Variants in ROCK1 observed in about 807,000 individuals in gnomAD.
ROCK1 encodes rho-associated protein kinase 1.
Under a neutral mutation model 196.8 loss-of-function variants are expected in ROCK1, and 36 were observed. The ratio of observed to expected loss-of-function variants is 0.18; its 90% CI spans 0.14 to 0.24. The LOEUF is 0.24. Among genes scored for constraint, ROCK1 ranks in the 10% least tolerant of loss-of-function variants. The pLI, the probability that ROCK1 is intolerant of heterozygous loss-of-function variation, is 1.00. For synonymous variants in ROCK1, 443 were observed against 515.9 expected, an observed-to-expected ratio of 0.86 and a Z score of 1.91; for missense variants, 920 against 1,562.0, an observed-to-expected ratio of 0.59 and a Z score of 6.93.
chr18:21,088,403 CAGA>C (rs1469593850), intron 1 of ROCK1, among the ~76,000 whole-genome samples: 2 of 152,132 alleles, frequency 1.3e-5, no homozygotes, highest in Non-Finnish European at 2.9e-5. Context: ...GAGGCTGAGG[CAGA>C]AGGATAGCCT....
At chr18:21,032,495 CAAATAGG>C (rs2036017047) in intron 9 of ROCK1, among the ~76,000 whole-genome samples, 1 of 145,840 alleles carries the variant, frequency 6.9e-6, no homozygotes, top group South Asian at 2.1e-4. Context: ...ACATAGAAAA[CAAATAGG>C]AAAGTTTTTT....
intron 17 of ROCK1, among the ~76,000 whole-genome samples, chr18:20,991,627 T>G (rs1286337792): frequency 6.6e-6 from 1 of 152,082 alleles, no homozygotes. Context: ...ATACCATCTT[T>G]TTTTTTCTTT....
Position 21,026,939 on chromosome 18 carries a change from CT to C in ROCK1, c.1211+1836del, listed in dbSNP as rs1208782541. The stretch of plus-strand genomic sequence containing the variant: ...ACTTTGTTTAGATTTCTTTTTCTTT[CT>C]TTTTTTTTTTTTTTTTGAGACAGAG... On this transcript the variant is annotated intron_variant, in intron 10 of 32. Coordinates refer to ENST00000399799, the MANE Select transcript of ROCK1 (RefSeq NM_005406.3). 2.6e-3 allele frequency among the ~76,000 whole-genome samples: 353 copies of C among 136,266 alleles called. 1 individual carries two copies. Among genetic ancestry groups the C allele is most frequent in the Middle Eastern group, 7.7e-3 (2 of 260 alleles). The allele number at this position is 136,266 out of a possible 152,430, so 89.4% of individuals were successfully genotyped here.
chr18:21,111,014 G>A lies in ROCK1; in HGVS notation c.-104C>T. The A allele has an allele frequency of 1.1e-6, 1 of 870,086 alleles. No individual in the cohort carries two copies. The highest frequency in any genetic ancestry group is 1.9e-6 in the Non-Finnish European group (1 of 534,534). 53.9% of individuals were successfully genotyped at this position (870,086 alleles called of 1,614,324 possible). On this transcript the variant is annotated 5_prime_UTR_variant, in exon 1 of 33. Coordinates refer to ENST00000399799, the MANE Select transcript of ROCK1 (RefSeq NM_005406.3). The surrounding 1 kb of genome is among the most constrained non-coding windows in gnomAD (Gnocchi z 4.2). ...TTCGCAGCCGCGGGGCGGAGGAGCC[G>A]GAACCTCAGGGTCACCAGGTGCGCC... is the stretch of plus-strand genomic sequence containing the variant.
chr18:20,954,724 T>C (rs2035224719), intron 31 of ROCK1, 59 bp downstream of exon 31: 1 of 1,504,236 alleles, frequency 6.6e-7, no homozygotes, highest in Non-Finnish European at 9.0e-7. Context: ...CATAAGTTAG[T>C]TCATTGAGAC....
At chr18:20,998,202 G>A (rs2035689639) in intron 16 of ROCK1, among the ~76,000 whole-genome samples, 1 of 152,078 alleles carries the variant, frequency 6.6e-6, no homozygotes, top group South Asian at 2.1e-4. Context: ...TGAATGACCA[G>A]CGGATTGATG....
In ROCK1 at chr18:20,952,639, G is replaced by A. The variant is rs1160699924; in HGVS notation, c.4061+939C>T. 4.6e-5 allele frequency among the ~76,000 whole-genome samples: 7 copies of A among 151,708 alleles called. No homozygotes were observed. In the South Asian group the frequency reaches 1.3e-3, roughly 27 times the overall value. Reference sequence around the variant, plus strand: ...CTAAAAATACAAAAATTAGCCAGGCGTGGCATGCGTCTGTAATCCCCGCTA... The same window carrying A: ...CTAAAAATACAAAAATTAGCCAGGCATGGCATGCGTCTGTAATCCCCGCTA... On this transcript the variant is annotated intron_variant, in intron 32 of 32. Coordinates refer to ENST00000399799, the MANE Select transcript of ROCK1 (RefSeq NM_005406.3).
intron 27 of ROCK1, among the ~76,000 whole-genome samples, chr18:20,964,827 G>T (rs781068996): frequency 1.3e-5 from 2 of 152,182 alleles, no homozygotes; most frequent in Non-Finnish European, 2.9e-5. Flanking sequence ...GCCTAAGTCT[G>T]CCAATGAAGC....
At chr18:21,069,401 G>A (rs1453280912) in intron 2 of ROCK1, among the ~76,000 whole-genome samples, 1 of 151,796 alleles carries the variant, frequency 6.6e-6, no homozygotes, top group Non-Finnish European at 1.5e-5. Flanking sequence ...AAAATAAATT[G>A]TACAGGTTTA....
chr18:21,069,072 G>A lies in ROCK1; in HGVS notation c.175+1460C>T, dbSNP rs192379447. Among the ~76,000 whole-genome samples, 243 of 152,208 alleles carry A rather than the reference G, an allele frequency of 1.6e-3. 2 individuals carry two copies. The highest frequency in any genetic ancestry group is 0.013 in the South Asian group (64 of 4,828). Reference sequence around the variant, plus strand: ...GAAAAGCATTCGTCTTAAACAAGTAGATACAATCTAAACTGTAGGTTTCTT... The same window carrying A: ...GAAAAGCATTCGTCTTAAACAAGTAAATACAATCTAAACTGTAGGTTTCTT... On this transcript the variant is annotated intron_variant, in intron 2 of 32. Coordinates refer to ENST00000399799, the MANE Select transcript of ROCK1 (RefSeq NM_005406.3).
chr18:20,979,813 C>T, intron 22 of ROCK1, 97 bp downstream of exon 22: 3 of 1,367,428 alleles, frequency 2.2e-6, no homozygotes, highest in Non-Finnish European at 2.9e-6. Flanking sequence ...TGTTCTATAC[C>T]ATTCCCACCA....
At chr18:21,010,853 T>C (rs569443360) in intron 13 of ROCK1, among the ~76,000 whole-genome samples, 2 of 152,344 alleles carry the variant, frequency 1.3e-5, no homozygotes, top group East Asian at 3.9e-4. Context: ...ACATACTTTG[T>C]AGCTCTGTTG....
rs2036598410 is a variant in ROCK1, at chr18:21,094,730, CA to C, written c.93+16087del. 2.9e-5 allele frequency among the ~76,000 whole-genome samples: 4 copies of C among 135,980 alleles called. No individual in the cohort carries two copies. In the South Asian group the frequency reaches 1.0e-3, roughly 36 times the overall value. The allele number at this position is 135,980 out of a possible 152,430, so 89.2% of individuals were successfully genotyped here. ...CACCACTGAACTCCAGCCTGGGCAA[CA>C]AAATGAGATCCTGTCTCAAAAAAAA... is the stretch of plus-strand genomic sequence containing the variant. On this transcript the variant is annotated intron_variant, in intron 1 of 32. Coordinates refer to ENST00000399799, the MANE Select transcript of ROCK1 (RefSeq NM_005406.3).
intron 22 of ROCK1, among the ~76,000 whole-genome samples, chr18:20,978,279 C>A (rs1170597966): frequency 2.0e-5 from 3 of 150,500 alleles, no homozygotes; most frequent in African/African-American, 7.3e-5. Flanking sequence ...AAGGATCTAA[C>A]ATTGAATGCC....
rs573469602 is a variant in ROCK1, at chr18:20,957,106, AG to A, written c.3513-1862del. Among the ~76,000 whole-genome samples, 1,468 of 152,306 alleles carry A rather than the reference AG, an allele frequency of 9.6e-3. 11 individuals carry two copies. Among genetic ancestry groups the A allele is most frequent in the African/African-American group, 0.034 (1,413 of 41,554 alleles). On this transcript the variant is annotated intron_variant, in intron 29 of 32. Coordinates refer to ENST00000399799, the MANE Select transcript of ROCK1 (RefSeq NM_005406.3). ...TAATAATTTTTGAGAATTGTTTGGT[AG>A]ATTTTTAAAAAGTTAAACACAGATC...
At chr18:20,959,041 A>G (rs1201390844) in intron 29 of ROCK1, among the ~76,000 whole-genome samples, 1 of 47,782 alleles carries the variant, frequency 2.1e-5, no homozygotes, top group Non-Finnish European at 3.0e-5. Context: ...ATTTTATATA[A>G]TATATAATAT....
rs2035636805 is a variant in ROCK1 at position 20,992,695 on chromosome 18, C to G, written c.1992+136G>C. 6 of 573,294 alleles carry G rather than the reference C, an allele frequency of 1.0e-5. No individual in the cohort carries two copies. In the South Asian group the frequency reaches 1.6e-4, roughly 16 times the overall value. The allele number at this position is 573,294 out of a possible 1,614,324, so 35.5% of individuals were successfully genotyped here. A position where few individuals can be genotyped will look rare whatever the true frequency, so the allele number is the denominator to read the frequency against. On this transcript the variant is annotated intron_variant, in intron 17 of 32. Coordinates refer to ENST00000399799, the MANE Select transcript of ROCK1 (RefSeq NM_005406.3). ...ACATACATACAGCCCCACATACAAC[C>G]AATCAAACATAAAAACTTTTAGAAA... is the stretch of plus-strand genomic sequence containing the variant.
chr18:20,960,108 A>G (rs371541898), intron 28 of ROCK1, 28 bp downstream of exon 28: 8 of 1,410,788 alleles, frequency 5.7e-6, no homozygotes, highest in African/African-American at 1.4e-5. Flanking sequence ...ACAAAATACC[A>G]GTTAGAAAAT....
chr18:21,006,375 A>C lies in ROCK1; in HGVS notation c.1861T>G (p.Ser621Ala). ...EAERRDRGHD[S>A]EMIGDLQARI... is the part of the protein sequence containing the mutation. ...CCTTGAAGGTCTCCAATCATCTCAG[A>C]ATCATGACCTCTGTCTCTTCGTTCA... The change falls in exon 16 of 33, where the codon TCT becomes GCT. Residue 621 changes from serine to alanine, a missense_variant. Physicochemically the swap from Ser to Ala is moderately conservative, Grantham distance 99. Coordinates refer to ENST00000399799, the MANE Select transcript of ROCK1 (RefSeq NM_005406.3). 1 of 1,612,790 alleles carries C rather than the reference A, an allele frequency of 6.2e-7. No homozygotes were observed. Among genetic ancestry groups the C allele is most frequent in the Non-Finnish European group, 8.5e-7 (1 of 1,179,856 alleles).
Sources: allele counts gnomAD v4.1 joint callset (sites outside exome capture counted in the v4.1 genomes callset), GRCh38; gene constraint gnomAD v4.1.1; non-coding constraint Gnocchi (gnomAD v3.1); transcripts MANE v1.5; gene names NCBI Gene and HGNC (gene_info 2026-07-23, HGNC 2026-07-21).